The following AGBL1 variants were observed in gnomAD, a reference collection of about 807,000 sequenced individuals.
AGBL1 encodes the protein cytosolic carboxypeptidase 4.
In AGBL1, 130 loss-of-function variants were observed where a neutral mutation model predicts 118.9. The observed-to-expected ratio is 1.09, with a 90% CI of 0.95 to 1.26. The LOEUF (loss-of-function observed/expected upper bound fraction) is 1.26, where lower values mean the gene tolerates loss of function less well. AGBL1 is among the 50% of genes most tolerant of loss of function. The pLI is 0.00. For missense variants in AGBL1, 1,584 were observed against 1,298.1 expected (o/e 1.22, Z -3.38); for synonymous variants, 555 against 478.9 (o/e 1.16, Z -2.08).
chr15:86,839,579 A>G (rs2079217224), intron 22 of AGBL1, among the ~76,000 whole-genome samples: 1 of 152,192 alleles, frequency 6.6e-6, no homozygotes, highest in Non-Finnish European at 1.5e-5. Flanking sequence ...GGGATTATGT[A>G]GGATGTTTAG....
chr15:86,405,883 T>C (rs1243951022), intron 18 of AGBL1, among the ~76,000 whole-genome samples: 1 of 149,884 alleles, frequency 6.7e-6, no homozygotes, highest in African/African-American at 2.4e-5. Flanking sequence ...CCTGTAATAA[T>C]GGAGGAAGCA....
At chr15:86,150,485 A>G (rs2077093084) in intron 3 of AGBL1, among the ~76,000 whole-genome samples, 2 of 152,222 alleles carry the variant, frequency 1.3e-5, no homozygotes, top group Admixed American at 1.3e-4. Flanking sequence ...ATCAGAGAAT[A>G]CTATAAACAC....
At chr15:86,830,904 A>C (rs2079095900) in intron 22 of AGBL1, among the ~76,000 whole-genome samples, 1 of 152,186 alleles carries the variant, frequency 6.6e-6, no homozygotes, top group South Asian at 2.1e-4. Flanking sequence ...GTCTTTTCTC[A>C]TGCTGCTGAT....
chr15:86,415,378 T>A (rs770983080), intron 18 of AGBL1, among the ~76,000 whole-genome samples: 4 of 152,162 alleles, frequency 2.6e-5, no homozygotes, highest in Non-Finnish European at 5.9e-5. Context: ...GTATCTGCTG[T>A]GCTTCAGTTT....
intron 22 of AGBL1, among the ~76,000 whole-genome samples, chr15:86,854,976 G>C (rs1270007732): frequency 2.6e-5 from 4 of 152,050 alleles, no homozygotes; most frequent in Non-Finnish European, 4.4e-5. Flanking sequence ...CCCCCCACTG[G>C]TCCTAGTTTA....
Position 86,440,070 on chromosome 15 carries a change from T to C in AGBL1, c.2555+42524T>C, listed in dbSNP as rs141474629. Among the ~76,000 whole-genome samples, 1,052 of 152,332 alleles carry C rather than the reference T, an allele frequency of 6.9e-3. 4 individuals are homozygous for C. The highest frequency in any genetic ancestry group is 0.034 in the Middle Eastern group (10 of 294). The stretch of plus-strand genomic sequence containing the variant: ...TAAGAACTAATATAATAAAAGTTTA[T>C]TGACTAATTTTGCACCATAATTTGT... On this transcript the variant is annotated intron_variant, in intron 18 of 22. Transcript: ENST00000614907.
rs188786454 is a variant in AGBL1, at chr15:86,194,002, T to C, written c.489-30912T>C. 8.5e-5 allele frequency among the ~76,000 whole-genome samples: 13 copies of C among 152,290 alleles called. No individual in the cohort carries two copies. The East Asian group carries it at 1.7e-3, about 20-fold the overall frequency. ...GACTGCCAGGCATGAGGCAGAATCT[T>C]TGTAGAGTCATACATTCTCCTGTGA... On this transcript the variant is annotated intron_variant, in intron 5 of 22. Coordinates refer to ENST00000614907, the MANE Select transcript of AGBL1 (RefSeq NM_001386094.1).
Position 86,945,244 on chromosome 15 carries a change from T to TAAA in AGBL1, c.3222-42722_3222-42720dup, listed in dbSNP as rs11326362. ...GGGCAACAGAGCAAGACCCCATCAC[T>TAAA]AAAAAAAAAAAAAAAAAAAAAAAGT... On this transcript the variant is annotated intron_variant, in intron 23 of 24. Coordinates refer to the AGBL1 transcript ENST00000441037. Among the ~76,000 whole-genome samples the TAAA allele has an allele frequency of 1.7e-3, 117 of 70,764 alleles. 1 individual carries two copies. Among genetic ancestry groups the TAAA allele is most frequent in the South Asian group, 4.3e-3 (7 of 1,630 alleles). The allele number at this position is 70,764 out of a possible 152,430, so 46.4% of individuals were successfully genotyped here.
intron 24 of AGBL1, among the ~76,000 whole-genome samples, chr15:87,025,669 A>C (rs1364136809): frequency 2.6e-5 from 4 of 152,072 alleles, no homozygotes; most frequent in Admixed American, 6.6e-5. Context: ...ATATGGAACC[A>C]AAAAAGAGTC....
chr15:87,004,944 T>C (rs2081482766), intron 24 of AGBL1, among the ~76,000 whole-genome samples: 1 of 152,176 alleles, frequency 6.6e-6, no homozygotes, highest in South Asian at 2.1e-4. Context: ...CTCCTTTACT[T>C]ATGAAGCTTA....
chr15:86,802,437 G>A (rs897215910), intron 22 of AGBL1, among the ~76,000 whole-genome samples: 1 of 152,082 alleles, frequency 6.6e-6, no homozygotes. Context: ...GTGGACAAAT[G>A]TTCAAGTTCC....
At chr15:86,778,904 T>C (rs1310475883) in intron 22 of AGBL1, among the ~76,000 whole-genome samples, 5 of 151,688 alleles carry the variant, frequency 3.3e-5, no homozygotes, top group African/African-American at 7.3e-5. Flanking sequence ...TGTTCAGAGA[T>C]TGCAGTAAAG....
intron 22 of AGBL1, among the ~76,000 whole-genome samples, chr15:86,780,424 T>C (rs948113039): frequency 6.6e-6 from 1 of 152,218 alleles, no homozygotes; most frequent in East Asian, 1.9e-4. Flanking sequence ...TGTTTATTGT[T>C]CTTTGATATT....
At chr15:86,849,517 C>CTTTCTT (rs1555456693) in intron 22 of AGBL1, among the ~76,000 whole-genome samples, 45 of 136,796 alleles carry the variant, frequency 3.3e-4, no homozygotes, top group African/African-American at 8.3e-4. Context: ...TTCTTTCTTT[C>CTTTCTT]TTTTTTTTTT....
intron 18 of AGBL1, among the ~76,000 whole-genome samples, chr15:86,517,806 T>TC (rs146743921): frequency 0.068 from 10,302 of 152,224 alleles, 1,206 homozygotes; most frequent in African/African-American, 0.24. Context: ...TCCTCTTTTT[T>TC]CTTTTCTCCA....
At chr15:86,223,860 A>C (rs531474135) in intron 5 of AGBL1, among the ~76,000 whole-genome samples, 1 of 152,156 alleles carries the variant, frequency 6.6e-6, no homozygotes, top group South Asian at 2.1e-4. Flanking sequence ...TCTGTTGTTC[A>C]GTATTAGCTA....
intron 8 of AGBL1, among the ~76,000 whole-genome samples, chr15:86,257,425 A>C (rs1189672162): frequency 6.6e-6 from 1 of 152,220 alleles, no homozygotes; most frequent in Admixed American, 6.5e-5. Flanking sequence ...GTCATATTGG[A>C]ATATTTGAAA....
At chr15:86,520,517 C>A (rs1315607338) in intron 18 of AGBL1, among the ~76,000 whole-genome samples, 1 of 152,076 alleles carries the variant, frequency 6.6e-6, no homozygotes, top group Non-Finnish European at 1.5e-5. Context: ...AATAGTATTT[C>A]TGCAAAGTGG....
chr15:86,698,683 C>T (rs2086304992), intron 22 of AGBL1, among the ~76,000 whole-genome samples: 1 of 151,078 alleles, frequency 6.6e-6, no homozygotes, highest in African/African-American at 2.4e-5. Flanking sequence ...GGCAAGGAAG[C>T]TCAATCCCAC....
Sources: allele counts gnomAD v4.1 joint callset (sites outside exome capture counted in the v4.1 genomes callset), GRCh38; gene constraint gnomAD v4.1.1; transcripts MANE v1.5; gene names NCBI Gene and HGNC (gene_info 2026-07-23, HGNC 2026-07-21).